Variants in MMRN2 observed in about 807,000 individuals in gnomAD.
The protein encoded by MMRN2 is multimerin-2.
MMRN2 carries 53 observed loss-of-function variants against 68.8 expected under a neutral mutation model. That is an observed-to-expected ratio of 0.77 (90% CI 0.62 to 0.97). The LOEUF (loss-of-function observed/expected upper bound fraction) is 0.97. Among genes scored for constraint, MMRN2 ranks in the 50% least tolerant of loss-of-function variants. The pLI is 0.00. For synonymous variants in MMRN2, 564 were observed against 551.6 expected (o/e 1.02, Z -0.32); for missense variants, 1,266 against 1,259.5 (o/e 1.01, Z -0.08).
At chr10:86,950,132 G>A (rs1031723998) in intron 1 of MMRN2, among the ~76,000 whole-genome samples, 8 of 152,022 alleles carry the variant, frequency 5.3e-5, no homozygotes, top group African/African-American at 7.2e-5. Flanking sequence ...GGATCACGAC[G>A]TCAGGAGTTT....
At chr10:86,951,060 C>G (rs529875220) in intron 1 of MMRN2, among the ~76,000 whole-genome samples, 1 of 151,992 alleles carries the variant, frequency 6.6e-6, no homozygotes, top group Non-Finnish European at 1.5e-5. Context: ...TGCACTCCAG[C>G]CTGGGCAACA....
intron 1 of MMRN2, among the ~76,000 whole-genome samples, chr10:86,955,025 T>C (rs1401020776): frequency 6.6e-6 from 1 of 152,166 alleles, no homozygotes; most frequent in Non-Finnish European, 1.5e-5. Context: ...GGCTGGTGAC[T>C]GGGGCCAACC....
intron 1 of MMRN2, among the ~76,000 whole-genome samples, chr10:86,953,664 T>C (rs1419621095): frequency 1.3e-5 from 2 of 152,166 alleles, no homozygotes; most frequent in Admixed American, 6.5e-5. Flanking sequence ...CTACAATGCA[T>C]AGGACATCTC....
Position 86,945,433 on chromosome 10 carries a change from C to T in MMRN2, c.337G>A (p.Val113Met). Residue 113 changes from valine (V) to methionine (M), a missense_variant, in exon 3 of 7, where the codon GTG becomes ATG. Physicochemically the swap from Val to Met is conservative, Grantham distance 21. Transcript: ENST00000372027. ...CACCTCCAGGCCAAAGAGGTCAGCACCTTCTGCTTGACCTGGTACACTGGC... is the reference window on the plus strand; with the variant it reads ...CACCTCCAGGCCAAAGAGGTCAGCATCTTCTGCTTGACCTGGTACACTGGC... ...HKPVYQVKQK[V>M]LTSLAWRCCP... 4 of 1,570,118 alleles carry T rather than the reference C, an allele frequency of 2.5e-6. No individual in the cohort carries two copies. Among genetic ancestry groups the T allele is most frequent in the Non-Finnish European group, 3.5e-6 (4 of 1,156,320 alleles).
chr10:86,937,216 A>G, intron 6 of MMRN2, 91 bp from the exon 7 acceptor site: 1 of 1,370,606 alleles, frequency 7.3e-7, no homozygotes, highest in Non-Finnish European at 9.9e-7. Context: ...TCACCTTATT[A>G]GCAATGGAAA....
Position 86,957,511 on chromosome 10 carries a change from C to T in MMRN2, c.31G>A (p.Gly11Ser). 6.2e-7 allele frequency: 1 copy of T among 1,612,574 alleles called. No homozygotes were observed. Among genetic ancestry groups the T allele is most frequent in the African/African-American group, 1.3e-5 (1 of 75,052 alleles). ...CCCAGCAGCCCCCAGCCCAGGGGGC[C>T]CCCAAGGCTGAACAGCAAGCTCAGG... MILSLLFSLGGPLGWGLLGAW... is the reference protein window; with the variant it reads MILSLLFSLGSPLGWGLLGAW... Residue 11 changes from glycine (G) to serine (S), a missense_variant, in exon 1 of 7, where the codon GGC (glycine) becomes AGC (serine). Physicochemically the swap from Gly to Ser is moderately conservative, Grantham distance 56. Transcript: ENST00000372027.
In MMRN2 at chr10:86,942,996, G is replaced by A; in HGVS notation, c.1788C>T (p.Phe596=). The A allele has an allele frequency of 6.9e-7, 1 of 1,450,800 alleles. No individual in the cohort carries two copies. The highest frequency in any genetic ancestry group is 1.5e-5 in the African/African-American group (1 of 67,542). The allele number at this position is 1,450,800 out of a possible 1,614,324, so 89.9% of individuals were successfully genotyped here. The change falls in exon 6 of 7, where the codon TTC becomes TTT. Residue 596 remains phenylalanine, a synonymous_variant. Coordinates refer to ENST00000372027, the MANE Select transcript of MMRN2 (RefSeq NM_024756.3). ...RHEVRQLHSA[F]AALLEDALRH... ...GCAGCGCGTCCTCCAGCAGGGCGGC[G>A]AAGGCGCTGTGCAGCTGGCGCACCT...
chr10:86,954,496 G>A (rs1844189838), intron 1 of MMRN2, among the ~76,000 whole-genome samples: 1 of 152,128 alleles, frequency 6.6e-6, no homozygotes, highest in African/African-American at 2.4e-5. Context: ...GTGGGAGGGG[G>A]AGGGCGCATC....
intron 6 of MMRN2, among the ~76,000 whole-genome samples, chr10:86,939,461 CAAAAAAAAAAAAAAAAAA>C (rs34692290): frequency 1.1e-4 from 8 of 74,576 alleles, no homozygotes; most frequent in Admixed American, 1.6e-4. Flanking sequence ...GACTCCGTCT[CAAAAAAAAAAAAAAAAAA>C]AAAAAAAAAA....
intron 6 of MMRN2, among the ~76,000 whole-genome samples, chr10:86,938,540 A>G (rs887426728): frequency 1.3e-5 from 2 of 152,226 alleles, no homozygotes; most frequent in Admixed American, 6.5e-5. Context: ...CAGGGTCATG[A>G]GATGGCACAG....
chr10:86,936,399 G>C lies in MMRN2; in HGVS notation c.*344C>G. On this transcript the variant is annotated 3_prime_UTR_variant, in exon 7 of 7. Coordinates refer to ENST00000372027, the MANE Select transcript of MMRN2 (RefSeq NM_024756.3). ...GAAAAGTTTAAAGTGTTGTACAGAA[G>C]TTTCCAACCACAGGAGGAGCAAAAC... 2.1e-6 allele frequency: 1 copy of C among 468,424 alleles called. No homozygotes were observed. Among genetic ancestry groups the C allele is most frequent in the Non-Finnish European group, 3.7e-6 (1 of 268,042 alleles). The allele number at this position is 468,424 out of a possible 1,614,324, so 29.0% of individuals were successfully genotyped here.
chr10:86,941,939 G>A (rs966526050), intron 6 of MMRN2, among the ~76,000 whole-genome samples: 1 of 151,750 alleles, frequency 6.6e-6, no homozygotes, highest in African/African-American at 2.4e-5. Flanking sequence ...TGGCTTAAAC[G>A]CACATGGGAA....
intron 1 of MMRN2, among the ~76,000 whole-genome samples, chr10:86,947,277 A>G (rs1322713490): frequency 2.0e-5 from 3 of 151,950 alleles, no homozygotes; most frequent in African/African-American, 7.3e-5. Flanking sequence ...CAGTGCCGGG[A>G]TTTTATTCTC....
chr10:86,950,434 G>C (rs1589305921), intron 1 of MMRN2, among the ~76,000 whole-genome samples: 2 of 152,154 alleles, frequency 1.3e-5, no homozygotes, highest in African/African-American at 4.8e-5. Flanking sequence ...GGCTCTCTGG[G>C]TAATTGCATG....
chr10:86,945,227 G>T lies in MMRN2; in HGVS notation c.442C>A (p.His148Asn). ...IPEPADPGDS[H>N]QEPQDGPVSF... The stretch of plus-strand genomic sequence containing the variant: ...ACTGGTCCATCCTGAGGTTCCTGGT[G>T]GCTGTCACCAGGATCTGCAGGCTCA... The change falls in exon 4 of 7, where the codon CAC (histidine) becomes AAC (asparagine). Residue 148 changes from histidine (H) to asparagine (N), a missense_variant. Physicochemically the swap from His to Asn is moderately conservative, Grantham distance 68. Coordinates refer to ENST00000372027, the MANE Select transcript of MMRN2 (RefSeq NM_024756.3). The T allele has an allele frequency of 6.2e-7, 1 of 1,613,870 alleles. No individual in the cohort carries two copies. Among genetic ancestry groups the T allele is most frequent in the Non-Finnish European group, 8.5e-7 (1 of 1,180,026 alleles).
At position 86,945,623 on chromosome 10, in the gene MMRN2, G is replaced by A; in HGVS notation, c.231C>T (p.Phe77=). 1 of 1,613,950 alleles carries A rather than the reference G, an allele frequency of 6.2e-7. No individual in the cohort carries two copies. The highest frequency in any genetic ancestry group is 1.1e-5 in the South Asian group (1 of 91,012). Residue 77 remains phenylalanine, a synonymous_variant, in exon 2 of 7, where the codon TTC becomes TTT. Transcript: ENST00000372027. ...TLLALCKTEK[F]LIHSQQPCPQ... The stretch of plus-strand genomic sequence containing the variant: ...GACACGGCTGCTGCGAGTGGATGAG[G>A]AATTTCTCTGTTTTGCAAAGAGCTA...
Position 86,944,137 on chromosome 10 carries a change from G to A in MMRN2, c.656-9C>T, listed in dbSNP as rs537487274. The A allele has an allele frequency of 9.5e-5, 153 of 1,610,724 alleles. 2 individuals are homozygous for A. In the South Asian group the frequency reaches 1.6e-3, roughly 16 times the overall value. The stretch of plus-strand genomic sequence containing the variant: ...GGATCTATCAGGGAACTCTGCAACA[G>A]ACATGTGGTGTGACACAAGCCCTGC... On this transcript the variant is annotated splice_polypyrimidine_tract_variant and intron_variant, in intron 5 of 6. Transcript: ENST00000372027.
chr10:86,939,631 T>G (rs114378046), intron 6 of MMRN2, among the ~76,000 whole-genome samples: 2,211 of 152,102 alleles, frequency 0.015, 56 homozygotes, highest in African/African-American at 0.051. Context: ...GGCCGTTCCG[T>G]CCGGGCGCCT....
Position 86,945,272 on chromosome 10 carries a change from C to G in MMRN2, c.401-4G>C. On this transcript the variant is annotated splice_polypyrimidine_tract_variant and splice_region_variant and intron_variant, in intron 3 of 6. Coordinates refer to ENST00000372027, the MANE Select transcript of MMRN2 (RefSeq NM_024756.3). ...GGCTCAGGGATTGCCATGGAATCTG[C>G]AGAAGAAAGCATTAGTTATTGACCC... is the stretch of plus-strand genomic sequence containing the variant. The G allele has an allele frequency of 6.2e-7, 1 of 1,613,590 alleles. No individual in the cohort carries two copies. Among genetic ancestry groups the G allele is most frequent in the Non-Finnish European group, 8.5e-7 (1 of 1,180,006 alleles).
Sources: gnomAD v4.1 joint callset for allele counts (sites outside exome capture counted in the v4.1 genomes callset) on GRCh38, gnomAD v4.1.1 for gene constraint, MANE v1.5 for transcripts, NCBI Gene and HGNC (gene_info 2026-07-23, HGNC 2026-07-21) for gene names.